Variants in SLC41A1 observed in about 807,000 individuals in gnomAD.
SLC41A1 encodes solute carrier family 41 member 1.
A neutral mutation model predicts 47.3 loss-of-function variants in SLC41A1; 20 were observed. That is an observed-to-expected ratio of 0.42 (90% CI 0.30 to 0.61). SLC41A1 has a LOEUF of 0.61. Ranked by LOEUF, SLC41A1 falls within the 20% of genes least tolerant of loss-of-function variation. The pLI, the probability that SLC41A1 is intolerant of heterozygous loss-of-function variation, is 0.17. For synonymous variants in SLC41A1, 282 were observed against 272.7 expected (o/e 1.03, Z -0.34); for missense variants, 504 against 674.1 (o/e 0.75, Z 2.79).
rs1656205898 is a variant in SLC41A1 at position 205,813,181 on chromosome 1, C to T, written c.-1020G>A. 1 of 985,472 alleles carries T rather than the reference C, an allele frequency of 1.0e-6. No individual in the cohort carries two copies. The allele number at this position is 985,472 out of a possible 1,614,324, so 61.0% of individuals were successfully genotyped here. ...CAACTGGTTGGCTGCCGGTGGCAAA[C>T]GTGATCTGGGGCAGACTGGGTGGCA... On this transcript the variant is annotated 5_prime_UTR_variant, in exon 1 of 11. Coordinates refer to ENST00000367137, the MANE Select transcript of SLC41A1 (RefSeq NM_173854.6).
In SLC41A1 at chr1:205,791,070, T is replaced by A; in HGVS notation, c.*463A>T. 4.0e-6 allele frequency: 1 copy of A among 250,074 alleles called. No homozygotes were observed. Among genetic ancestry groups the A allele is most frequent in the South Asian group, 5.0e-5 (1 of 20,044 alleles). The allele number at this position is 250,074 out of a possible 1,614,324, so 15.5% of individuals were successfully genotyped here. A position where few individuals can be genotyped will look rare whatever the true frequency, so the allele number is the denominator to read the frequency against. Reference sequence around the variant, plus strand: ...ACTTCTACAAAAGTATGTCTGTGTTTGGGAGTGTTACTTATTCTTCTGTCC... The same window carrying A: ...ACTTCTACAAAAGTATGTCTGTGTTAGGGAGTGTTACTTATTCTTCTGTCC... On this transcript the variant is annotated 3_prime_UTR_variant, in exon 11 of 11. Coordinates refer to ENST00000367137, the MANE Select transcript of SLC41A1 (RefSeq NM_173854.6). The surrounding 1 kb of genome is among the most constrained non-coding windows in gnomAD (Gnocchi z 4.0).
Position 205,791,767 on chromosome 1 carries a change from G to A in SLC41A1, c.1357-49C>T, listed in dbSNP as rs1466043880. The A allele has an allele frequency of 5.0e-6, 8 of 1,602,034 alleles. No homozygotes were observed. On this transcript the variant is annotated intron_variant, in intron 10 of 10. Transcript: ENST00000367137. The surrounding 1 kb of genome is among the most constrained non-coding windows in gnomAD (Gnocchi z 4.0). ...CTATAGCCATCCTCTCTCTCCAGGG[G>A]GAGCCAGAGGCCACATGATCAGACC...
chr1:205,799,967 G>A (rs1655842773), intron 3 of SLC41A1, 137 bp from the exon 4 acceptor site: 1 of 750,854 alleles, frequency 1.3e-6, no homozygotes, highest in African/African-American at 1.8e-5. Context: ...GTCCCGGAAA[G>A]GTGAAGCAGG....
At chr1:205,795,657 G>C in intron 8 of SLC41A1, 179 bp from the exon 9 acceptor site, 1 of 745,944 alleles carries the variant, frequency 1.3e-6, no homozygotes. Context: ...CACTAAGAAG[G>C]AAGACAAAGA....
At chr1:205,808,781 G>A (rs1329879867) in intron 2 of SLC41A1, among the ~76,000 whole-genome samples, 1 of 152,206 alleles carries the variant, frequency 6.6e-6, no homozygotes, top group Non-Finnish European at 1.5e-5. Flanking sequence ...AGGCACTTTG[G>A]CATGACTTAA....
intron 7 of SLC41A1, 32 bp downstream of exon 7, chr1:205,797,872 G>C (rs1475259110): frequency 6.2e-7 from 1 of 1,613,570 alleles, no homozygotes; most frequent in Non-Finnish European, 8.5e-7. Flanking sequence ...GTTGGAGTGG[G>C]GTAGGAGTGG....
At chr1:205,794,612 C>G (rs1655702300) in intron 10 of SLC41A1, among the ~76,000 whole-genome samples, 1 of 151,412 alleles carries the variant, frequency 6.6e-6, no homozygotes, top group African/African-American at 2.5e-5. Flanking sequence ...AACTACCACC[C>G]CTGGTCCATT....
intron 2 of SLC41A1, among the ~76,000 whole-genome samples, chr1:205,804,677 CAG>C (rs961856583): frequency 6.6e-6 from 1 of 152,118 alleles, no homozygotes; most frequent in African/African-American, 2.4e-5. Context: ...AAACCAGCTC[CAG>C]AGAGGGGAAA....
At position 205,791,220 on chromosome 1, in the gene SLC41A1, T is replaced by C. The variant is rs559474555; in HGVS notation, c.*313A>G. On this transcript the variant is annotated 3_prime_UTR_variant, in exon 11 of 11. Transcript: ENST00000367137. This position sits in a 1 kb window ranked among gnomAD's most constrained non-coding sequence, Gnocchi z 4.0. ...GACAGGTTGCTAAAGCCAAACCCCA[T>C]GTCCCCAGATTCCAGACAAAACTCC... The C allele has an allele frequency of 7.3e-6, 3 of 411,772 alleles. No homozygotes were observed. Among genetic ancestry groups the C allele is most frequent in the Admixed American group, 3.5e-5 (1 of 28,172 alleles). The allele number at this position is 411,772 out of a possible 1,614,324, so 25.5% of individuals were successfully genotyped here.
At chr1:205,800,474 C>G (rs979371961) in intron 3 of SLC41A1, among the ~76,000 whole-genome samples, 27 of 152,198 alleles carry the variant, frequency 1.8e-4, no homozygotes, top group Admixed American at 1.5e-3. Context: ...AGCAGCTCCT[C>G]TCTGTCTGTT....
In SLC41A1 at chr1:205,810,123, G is replaced by A; in HGVS notation, c.319C>T (p.Leu107Phe). ...GCCACGGTCCCAAAGCCTGCCAGGA[G>A]GAATGGAAACAGTACTTGCAGCCCG... Reference protein sequence around the residue: ...SIGLQVLFPFLLAGFGTVAAG... With the variant: ...SIGLQVLFPFFLAGFGTVAAG... The change falls in exon 2 of 11, where the codon CTC becomes TTC. Residue 107 changes from leucine to phenylalanine, a missense_variant. Around this residue, in one of 2 missense-constraint regions of SLC41A1, gnomAD observed 421 missense variants for 601.6 expected, o/e 0.70. Coordinates refer to ENST00000367137, the MANE Select transcript of SLC41A1 (RefSeq NM_173854.6). This position sits in a 1 kb window ranked among gnomAD's most constrained non-coding sequence, Gnocchi z 5.5. The A allele has an allele frequency of 6.2e-7, 1 of 1,614,204 alleles. No homozygotes were observed. Among genetic ancestry groups the A allele is most frequent in the Non-Finnish European group, 8.5e-7 (1 of 1,180,012 alleles).
intron 2 of SLC41A1, 22 bp from the exon 3 acceptor site, chr1:205,801,082 C>T (rs779703205): frequency 6.2e-7 from 1 of 1,600,328 alleles, no homozygotes; most frequent in Non-Finnish European, 8.6e-7. Flanking sequence ...AAACAGAACC[C>T]AGGAATTTCA....
chr1:205,799,948 G>T lies in SLC41A1; in HGVS notation c.481-118C>A, dbSNP rs1005922703. The T allele has an allele frequency of 4.8e-6, 4 of 839,678 alleles. No homozygotes were observed. The African/African-American group carries it at 6.8e-5, about 14-fold the overall frequency. 52.0% of individuals were successfully genotyped at this position (839,678 alleles called of 1,614,324 possible). ...ATGTGGCCTAAGACTCTGAGAGCAGGACCTGACAGTCCCGGAAAGGTGAAG... is the reference window on the plus strand; with the variant it reads ...ATGTGGCCTAAGACTCTGAGAGCAGTACCTGACAGTCCCGGAAAGGTGAAG... On this transcript the variant is annotated intron_variant, in intron 3 of 10. Transcript: ENST00000367137.
intron 10 of SLC41A1, among the ~76,000 whole-genome samples, chr1:205,792,798 C>T (rs951658621): frequency 6.6e-6 from 1 of 152,162 alleles, no homozygotes; most frequent in Non-Finnish European, 1.5e-5. Context: ...AGGTTTTACC[C>T]TTGACTATAC....
chr1:205,803,891 G>A (rs1271607926), intron 2 of SLC41A1, among the ~76,000 whole-genome samples: 1 of 152,118 alleles, frequency 6.6e-6, no homozygotes, highest in Non-Finnish European at 1.5e-5. Flanking sequence ...AAAGTGTGGG[G>A]ACTACAGGTA....
intron 2 of SLC41A1, among the ~76,000 whole-genome samples, chr1:205,808,616 C>T (rs1411786482): frequency 6.6e-6 from 1 of 152,196 alleles, no homozygotes; most frequent in Non-Finnish European, 1.5e-5. Flanking sequence ...AAATGTTACC[C>T]TAGTCTCTTT....
In SLC41A1 at chr1:205,798,180, C is replaced by T; in HGVS notation, c.845-129G>A. 2.9e-6 allele frequency: 4 copies of T among 1,367,318 alleles called. No individual in the cohort carries two copies. The South Asian group carries it at 5.0e-5, about 17-fold the overall frequency. 84.7% of individuals were successfully genotyped at this position (1,367,318 alleles called of 1,614,324 possible). On this transcript the variant is annotated intron_variant, in intron 6 of 10. Transcript: ENST00000367137. The stretch of plus-strand genomic sequence containing the variant: ...CACTAAATGCCAGTAAACACATTAT[C>T]CCATTTGATCTTCACTGGCAGCTCA...
At position 205,810,457 on chromosome 1, in the gene SLC41A1, G is replaced by A. The variant is rs1656124163; in HGVS notation, c.-16C>T. 6.2e-7 allele frequency: 1 copy of A among 1,614,058 alleles called. No individual in the cohort carries two copies. Among genetic ancestry groups the A allele is most frequent in the South Asian group, 1.1e-5 (1 of 91,074 alleles). ...TAGAGGACATGACAGGCACGGAGGA[G>A]GGGAAGGGAGAACTTTCCTCTCTTC... On this transcript the variant is annotated 5_prime_UTR_variant, in exon 2 of 11. Coordinates refer to ENST00000367137, the MANE Select transcript of SLC41A1 (RefSeq NM_173854.6). This position sits in a 1 kb window ranked among gnomAD's most constrained non-coding sequence, Gnocchi z 5.5.
intron 4 of SLC41A1, 32 bp from the exon 5 acceptor site, chr1:205,799,133 T>C (rs775284064): frequency 1.2e-5 from 20 of 1,610,996 alleles, no homozygotes; most frequent in Middle Eastern, 4.5e-4. Context: ...CAGAAAGCCC[T>C]GAGAGCAGTG....
Sources: allele counts gnomAD v4.1 joint callset (sites outside exome capture counted in the v4.1 genomes callset), GRCh38; gene constraint gnomAD v4.1.1; regional missense constraint gnomAD v4.1.1; non-coding constraint Gnocchi (gnomAD v3.1); transcripts MANE v1.5; gene names NCBI Gene and HGNC (gene_info 2026-07-23, HGNC 2026-07-21).